Variants in SCEL observed in about 807,000 individuals in gnomAD.
The protein encoded by SCEL is sciellin.
In SCEL, 113 loss-of-function variants were observed where a neutral mutation model predicts 117.6. The observed-to-expected ratio is 0.96, with a 90% CI of 0.83 to 1.12. The LOEUF (loss-of-function observed/expected upper bound fraction) is 1.12, where lower values mean the gene tolerates loss of function less well. Among genes scored for constraint, SCEL ranks in the 50% most tolerant of loss-of-function variants. The pLI is 0.00. For missense variants in SCEL, 785 were observed against 810.8 expected (o/e 0.97, Z 0.39); for synonymous variants, 270 against 256.2 (o/e 1.05, Z -0.51).
intron 19 of SCEL, among the ~76,000 whole-genome samples, chr13:77,605,154 C>T (rs2088051871): frequency 6.6e-6 from 1 of 152,152 alleles, no homozygotes; most frequent in African/African-American, 2.4e-5. Flanking sequence ...CAGTAACAAA[C>T]AATTGCATGT....
intron 29 of SCEL, among the ~76,000 whole-genome samples, chr13:77,636,727 TTCTC>T (rs1326276503): frequency 6.6e-6 from 1 of 152,194 alleles, no homozygotes; most frequent in Non-Finnish European, 1.5e-5. Context: ...GAATCTCAGT[TTCTC>T]TCTGTGAATG....
rs372697254 is a variant in SCEL, at chr13:77,617,633, C to T, written c.1486C>T (p.Pro496Ser). Residue 496 changes from proline (P) to serine (S), a missense_variant, in exon 25 of 33, where the codon CCT becomes TCT. Transcript: ENST00000349847. ...QDLDKLIKVN[P>S]EIFTNNQRNQ... ...TCTTGATAAACTCATCAAGGTGAATCCTGAAATTTTCACAAACAACCAAAG... is the reference window on the plus strand; with the variant it reads ...TCTTGATAAACTCATCAAGGTGAATTCTGAAATTTTCACAAACAACCAAAG... The T allele has an allele frequency of 1.4e-5, 23 of 1,597,810 alleles. No individual in the cohort carries two copies. Among genetic ancestry groups the T allele is most frequent in the Non-Finnish European group, 1.9e-5 (22 of 1,170,668 alleles).
At chr13:77,550,654 T>C (rs575659664) in intron 1 of SCEL, among the ~76,000 whole-genome samples, 1 of 152,246 alleles carries the variant, frequency 6.6e-6, no homozygotes, top group South Asian at 2.1e-4. Context: ...TCATTTAACT[T>C]AATGTTTCAA....
At chr13:77,611,341 T>C (rs1402161623) in intron 22 of SCEL, among the ~76,000 whole-genome samples, 3 of 152,200 alleles carry the variant, frequency 2.0e-5, no homozygotes, top group African/African-American at 7.2e-5. Flanking sequence ...CTACACAGTA[T>C]TTTATTTGAG....
chr13:77,644,351 A>G lies in SCEL; in HGVS notation c.*77A>G, dbSNP rs1248351567. ...ACAAGTTTTATCTTAATAATATGTA[A>G]TCTAGAAAAGCTTTCACATTGAAGA... On this transcript the variant is annotated 3_prime_UTR_variant, in exon 33 of 33. Transcript: ENST00000349847. 1.8e-5 allele frequency: 26 copies of G among 1,431,746 alleles called. No individual in the cohort carries two copies. The highest frequency in any genetic ancestry group is 2.5e-5 in the Non-Finnish European group (26 of 1,025,504). 88.7% of individuals were successfully genotyped at this position (1,431,746 alleles called of 1,614,324 possible).
intron 8 of SCEL, among the ~76,000 whole-genome samples, chr13:77,569,885 G>T (rs1215982065): frequency 6.6e-6 from 1 of 152,138 alleles, no homozygotes; most frequent in East Asian, 1.9e-4. Flanking sequence ...ATCTGTATTT[G>T]TTTGGTTCTT....
chr13:77,580,556 A>C (rs1464793467), intron 9 of SCEL, among the ~76,000 whole-genome samples: 1 of 152,202 alleles, frequency 6.6e-6, no homozygotes, highest in South Asian at 2.1e-4. Context: ...AATTCAAATG[A>C]TTCTAACTGT....
Position 77,559,856 on chromosome 13 carries a change from T to C in SCEL, c.214T>C (p.Leu72=), listed in dbSNP as rs2084875499. ...CAACCGACATAATTCCCATGATGCA[T>C]TGGACAGGTGGGTGTTTAGACATGT... The part of the protein sequence containing the change: ...VLNRHNSHDA[L]DRKVNERDVP... Residue 72 remains leucine (L), a synonymous_variant, in exon 4 of 33, where the codon TTG becomes CTG. Coordinates refer to ENST00000349847, the MANE Select transcript of SCEL (RefSeq NM_144777.3). 6.2e-7 allele frequency: 1 copy of C among 1,613,050 alleles called. No homozygotes were observed. The highest frequency in any genetic ancestry group is 1.3e-5 in the African/African-American group (1 of 74,888).
At chr13:77,558,490 C>T (rs1226997382) in intron 3 of SCEL, among the ~76,000 whole-genome samples, 2 of 152,014 alleles carry the variant, frequency 1.3e-5, no homozygotes, top group African/African-American at 4.8e-5. Context: ...GTTTAATTGT[C>T]TACTACAGTT....
intron 12 of SCEL, chr13:77,596,929 A>T (rs149900155): frequency 6.6e-6 from 1 of 152,372 alleles, no homozygotes; most frequent in East Asian, 1.9e-4. Context: ...CAGCAGCCAG[A>T]AAAGGCTTTG....
chr13:77,617,948 C>T, intron 26 of SCEL, 56 bp from the exon 27 acceptor site: 1 of 1,589,998 alleles, frequency 6.3e-7, no homozygotes, highest in Non-Finnish European at 8.6e-7. Flanking sequence ...ATTGACCTAG[C>T]ACAACCCCAA....
At chr13:77,579,342 G>C (rs1488527150) in intron 9 of SCEL, among the ~76,000 whole-genome samples, 1 of 152,116 alleles carries the variant, frequency 6.6e-6, no homozygotes, top group Middle Eastern at 3.2e-3. Context: ...TTTATCCATT[G>C]TAGTTTGTCA....
At chr13:77,600,104 A>C (rs1016198729) in intron 15 of SCEL, 3 of 191,340 alleles carry the variant, frequency 1.6e-5, no homozygotes, top group Non-Finnish European at 3.2e-5. Flanking sequence ...ATATTAAGGC[A>C]TTTAGGTGCT....
At chr13:77,591,242 C>CA (rs1170085851) in intron 10 of SCEL, among the ~76,000 whole-genome samples, 153 bp from the exon 11 acceptor site, 2 of 152,108 alleles carry the variant, frequency 1.3e-5, no homozygotes, top group Non-Finnish European at 2.9e-5. Context: ...GAGTTCCCGC[C>CA]AACCCAAAGA....
chr13:77,594,586 G>A (rs1294876055), intron 12 of SCEL, among the ~76,000 whole-genome samples: 3 of 152,116 alleles, frequency 2.0e-5, no homozygotes, highest in Middle Eastern at 3.2e-3. Context: ...TTATAAGAGC[G>A]AATCATACTC....
chr13:77,602,432 A>C, intron 16 of SCEL: 1 of 500,532 alleles, frequency 2.0e-6, no homozygotes, highest in Non-Finnish European at 3.5e-6. Context: ...GCACAGCGAG[A>C]GCCACATTGA....
Position 77,589,225 on chromosome 13 carries a change from G to T in SCEL, c.626+1G>T, listed in dbSNP as rs754134122. Reference sequence around the variant, plus strand: ...CTAACCAGCTGAGACAGGATAATAGGTAAGACCTAGTACTCCAGAATTTCT... The same window carrying T: ...CTAACCAGCTGAGACAGGATAATAGTTAAGACCTAGTACTCCAGAATTTCT... On this transcript the variant is annotated splice_donor_variant, in intron 10 of 32. Transcript: ENST00000349847. LOFTEE classifies it high-confidence loss of function. 6.3e-6 allele frequency: 10 copies of T among 1,595,116 alleles called. No homozygotes were observed. The highest frequency in any genetic ancestry group is 8.6e-6 in the Non-Finnish European group (10 of 1,163,338).
chr13:77,634,202 G>C (rs746628089), intron 28 of SCEL, among the ~76,000 whole-genome samples, 177 bp from the exon 29 acceptor site: 3 of 152,082 alleles, frequency 2.0e-5, no homozygotes, highest in Non-Finnish European at 4.4e-5. Flanking sequence ...AAACAAAATG[G>C]AAGACAAAAA....
chr13:77,572,026 TA>T (rs2085662440), intron 8 of SCEL, 97 bp from the exon 9 acceptor site: 12 of 980,844 alleles, frequency 1.2e-5, no homozygotes, highest in Non-Finnish European at 1.9e-5. Context: ...AGGTTTGGTA[TA>T]ATCTCATTGT....
Sources: gnomAD v4.1 joint callset for allele counts (sites outside exome capture counted in the v4.1 genomes callset) on GRCh38, gnomAD v4.1.1 for gene constraint, MANE v1.5 for transcripts, NCBI Gene and HGNC (gene_info 2026-07-23, HGNC 2026-07-21) for gene names.